Variants in SYNGR4 observed in about 807,000 individuals in gnomAD.
SYNGR4 encodes the protein synaptogyrin-4.
SYNGR4 carries 15 observed loss-of-function variants against 15.5 expected under a neutral mutation model. The ratio of observed to expected loss-of-function variants is 0.97; its 90% CI spans 0.65 to 1.49. The LOEUF (loss-of-function observed/expected upper bound fraction) is 1.49. SYNGR4 is among the 40% of genes most tolerant of loss of function. SYNGR4 has a pLI of 0.00. For missense variants in SYNGR4, 292 were observed against 299.3 expected (o/e 0.98, Z 0.18); for synonymous variants, 121 against 127.4 (o/e 0.95, Z 0.34).
At chr19:48,371,823 C>A (rs1404697970) in intron 2 of SYNGR4, among the ~76,000 whole-genome samples, 1 of 148,766 alleles carries the variant, frequency 6.7e-6, no homozygotes, top group Non-Finnish European at 1.5e-5. Context: ...TCAAGCGATT[C>A]CTCCCACCTT....
upstream of SYNGR4, chr19:48,364,275 T>A (rs1013089511): frequency 6.1e-5 from 21 of 345,966 alleles, no homozygotes; most frequent in South Asian, 8.0e-4. Context: ...AGCTCCTGAG[T>A]AGGCGGAAAG....
Position 48,375,665 on chromosome 19 carries a change from G to A in SYNGR4, c.384G>A (p.Trp128Ter). ...FMGFCFLANQ[W>*]QHSPPKEFLL... Reference sequence around the variant, plus strand: ...GTTTCTGCTTCCTGGCCAACCAATGGCAGCATTCGCCGCCCAAAGAGTTCC... The same window carrying A: ...GTTTCTGCTTCCTGGCCAACCAATGACAGCATTCGCCGCCCAAAGAGTTCC... The change falls in exon 4 of 5, where the codon TGG becomes TGA. Residue 128 changes from tryptophan to a stop codon, truncating the protein, a stop_gained. Coordinates refer to ENST00000344846, the MANE Select transcript of SYNGR4 (RefSeq NM_012451.4). LOFTEE classifies it high-confidence loss of function. 1 of 1,614,042 alleles carries A rather than the reference G, an allele frequency of 6.2e-7. No individual in the cohort carries two copies. Among genetic ancestry groups the A allele is most frequent in the Non-Finnish European group, 8.5e-7 (1 of 1,179,956 alleles).
At chr19:48,369,202 G>A (rs191139512) in intron 2 of SYNGR4, among the ~76,000 whole-genome samples, 4 of 149,346 alleles carry the variant, frequency 2.7e-5, no homozygotes, top group African/African-American at 4.9e-5. Context: ...TCTTGTCCTC[G>A]CTGCCGCCTG....
At chr19:48,375,132 T>C (rs2147411815) in intron 3 of SYNGR4, among the ~76,000 whole-genome samples, 2 of 150,112 alleles carry the variant, frequency 1.3e-5, no homozygotes, top group Middle Eastern at 3.4e-3. Context: ...TTCAAGCGAT[T>C]CTCCTGCCTC....
At chr19:48,365,458 C>A (rs867026249) in intron 1 of SYNGR4, among the ~76,000 whole-genome samples, 8 of 133,028 alleles carry the variant, frequency 6.0e-5, no homozygotes, top group East Asian at 4.7e-4. Flanking sequence ...ATCCTATGCC[C>A]CCCACTCCTG....
rs199994616 is a variant in SYNGR4, at chr19:48,375,624, G to A, written c.343G>A (p.Val115Ile). 3.4e-5 allele frequency: 55 copies of A among 1,613,626 alleles called. No individual in the cohort carries two copies. In the African/African-American group the frequency reaches 6.3e-4, roughly 18 times the overall value. The change falls in exon 4 of 5, where the codon GTT becomes ATT. Residue 115 changes from valine to isoleucine, a missense_variant. Coordinates refer to ENST00000344846, the MANE Select transcript of SYNGR4 (RefSeq NM_012451.4). ...LDFILAVLWA[V>I]VWFMGFCFLA... The stretch of plus-strand genomic sequence containing the variant: ...CTGTGACGCCACAGTTCTCTGGGCA[G>A]TTGTCTGGTTCATGGGTTTCTGCTT...
At chr19:48,372,015 G>C (rs1970315580) in intron 2 of SYNGR4, among the ~76,000 whole-genome samples, 1 of 151,670 alleles carries the variant, frequency 6.6e-6, no homozygotes, top group Admixed American at 6.6e-5. Flanking sequence ...AAGTAGCTGG[G>C]ACTACAAGTA....
intron 2 of SYNGR4, among the ~76,000 whole-genome samples, chr19:48,367,146 A>G (rs886890820): frequency 1.3e-5 from 2 of 150,908 alleles, no homozygotes; most frequent in African/African-American, 4.9e-5. Flanking sequence ...AAAAAAAAAA[A>G]TTGTGGCTGG....
At position 48,375,737 on chromosome 19, in the gene SYNGR4, C is replaced by T. The variant is rs1380813645; in HGVS notation, c.456C>T (p.Phe152=). The change falls in exon 4 of 5, where the codon TTC becomes TTT. Residue 152 remains phenylalanine (F), a synonymous_variant. Coordinates refer to ENST00000344846, the MANE Select transcript of SYNGR4 (RefSeq NM_012451.4). ...SAQAAIAFTF[F]SILVWIFQAY... is the part of the protein sequence containing the mutation. ...AGGCAGCCATCGCCTTCACCTTCTT[C>T]TCCATCCTTGTCTGGGTGAGGACAA... The T allele has an allele frequency of 3.1e-6, 5 of 1,613,500 alleles. No homozygotes were observed. Among genetic ancestry groups the T allele is most frequent in the Non-Finnish European group, 4.2e-6 (5 of 1,179,524 alleles).
rs374279619 is a variant in SYNGR4 at position 48,376,277 on chromosome 19, G to A, written c.664G>A (p.Ala222Thr). The A allele has an allele frequency of 1.9e-5, 30 of 1,612,826 alleles. No individual in the cohort carries two copies. Among genetic ancestry groups the A allele is most frequent in the Admixed American group, 1.5e-4 (9 of 59,490 alleles). Residue 222 changes from alanine to threonine, a missense_variant, in exon 5 of 5, where the codon GCT becomes ACT. Coordinates refer to ENST00000344846, the MANE Select transcript of SYNGR4 (RefSeq NM_012451.4). Reference sequence around the variant, plus strand: ...CTCTGCCCTGTCCCCCTGTCTGACCGCTCCAAAGTCCCCCCGGCTTGCTAT... The same window carrying A: ...CTCTGCCCTGTCCCCCTGTCTGACCACTCCAAAGTCCCCCCGGCTTGCTAT... ...ASSALSPCLTAPKSPRLAMMP... is the reference protein window; with the variant it reads ...ASSALSPCLTTPKSPRLAMMP...
At chr19:48,373,480 G>C in intron 2 of SYNGR4, 37 bp from the exon 3 acceptor site, 1 of 1,573,682 alleles carries the variant, frequency 6.4e-7, no homozygotes, top group Non-Finnish European at 8.7e-7. Context: ...GCTTCAGGGA[G>C]AGACTGAGCT....
At position 48,373,616 on chromosome 19, in the gene SYNGR4, G is replaced by C; in HGVS notation, c.193G>C (p.Ala65Pro). ...LHCILNSNSV[A>P]CSFAVGAGFL... ...CTGCATTCTCAACAGCAACAGCGTG[G>C]CCTGCAGCTTTGCCGTGGGAGCCGG... is the stretch of plus-strand genomic sequence containing the variant. The change falls in exon 3 of 5, where the codon GCC (alanine) becomes CCC (proline). Residue 65 changes from alanine to proline, a missense_variant. Physicochemically the swap from Ala to Pro is conservative, Grantham distance 27. Coordinates refer to ENST00000344846, the MANE Select transcript of SYNGR4 (RefSeq NM_012451.4). The C allele has an allele frequency of 6.2e-7, 1 of 1,613,844 alleles. No homozygotes were observed. The highest frequency in any genetic ancestry group is 8.5e-7 in the Non-Finnish European group (1 of 1,180,024).
intron 3 of SYNGR4, among the ~76,000 whole-genome samples, chr19:48,374,076 C>CTTTTT (rs946583656): frequency 3.0e-5 from 4 of 132,738 alleles, no homozygotes; most frequent in East Asian, 2.1e-4. Context: ...GAAAATCTCT[C>CTTTTT]TTTTTTTTTT....
Position 48,372,421 on chromosome 19 carries a change from G to A in SYNGR4, c.94-1096G>A, listed in dbSNP as rs137923239. On this transcript the variant is annotated intron_variant, in intron 2 of 4. Transcript: ENST00000344846. ...AGCACTTTGGGAGGCCAAGGCAGGC[G>A]GATCACGAGGTCAGGTGATCGAGAC... 7.3e-3 allele frequency among the ~76,000 whole-genome samples: 1,106 copies of A among 152,092 alleles called. 8 individuals carry two copies. Among genetic ancestry groups the A allele is most frequent in the African/African-American group, 0.024 (988 of 41,488 alleles).
intron 2 of SYNGR4, 61 bp downstream of exon 2, chr19:48,365,996 C>A: frequency 6.4e-7 from 1 of 1,557,414 alleles, no homozygotes; most frequent in Non-Finnish European, 8.8e-7. Context: ...GCTCTCAACT[C>A]CCAGACACAG....
intron 3 of SYNGR4, among the ~76,000 whole-genome samples, chr19:48,373,981 G>A (rs1970357615): frequency 6.6e-6 from 1 of 152,066 alleles, no homozygotes; most frequent in South Asian, 2.1e-4. Flanking sequence ...CCCTGGGTAA[G>A]GGTCACCTCT....
In SYNGR4 at chr19:48,365,756, C is replaced by T; in HGVS notation, c.-87C>T. ...CACAGCAGCCAAGCCCAGGGCTGGCCTGAAGCCCCCGGACGGCAGTGCCCA... is the reference window on the plus strand; with the variant it reads ...CACAGCAGCCAAGCCCAGGGCTGGCTTGAAGCCCCCGGACGGCAGTGCCCA... On this transcript the variant is annotated 5_prime_UTR_variant, in exon 2 of 5. Transcript: ENST00000344846. 6.9e-7 allele frequency: 1 copy of T among 1,451,386 alleles called. No individual in the cohort carries two copies. Among genetic ancestry groups the T allele is most frequent in the Non-Finnish European group, 9.6e-7 (1 of 1,043,876 alleles). The allele number at this position is 1,451,386 out of a possible 1,614,324, so 89.9% of individuals were successfully genotyped here.
rs530067180 is a variant in SYNGR4 at position 48,373,760 on chromosome 19, C to T, written c.331+6C>T. ...CCTGGACTTCATCCTGGCTGGTGAG[C>T]CCCCAGGACCCCCAACCCAGAGCTG... On this transcript the variant is annotated splice_donor_region_variant and intron_variant, in intron 3 of 4. Coordinates refer to ENST00000344846, the MANE Select transcript of SYNGR4 (RefSeq NM_012451.4). 14 of 1,612,508 alleles carry T rather than the reference C, an allele frequency of 8.7e-6. No homozygotes were observed. In the Admixed American group the frequency reaches 1.2e-4, roughly 13 times the overall value.
At chr19:48,370,826 T>C (rs1970293149) in intron 2 of SYNGR4, among the ~76,000 whole-genome samples, 1 of 152,096 alleles carries the variant, frequency 6.6e-6, no homozygotes, top group African/African-American at 2.4e-5. Flanking sequence ...AAGTCCTATT[T>C]TACACGCTAA....
Sources: gnomAD v4.1 joint callset for allele counts (sites outside exome capture counted in the v4.1 genomes callset) on GRCh38, gnomAD v4.1.1 for gene constraint, MANE v1.5 for transcripts, NCBI Gene and HGNC (gene_info 2026-07-23, HGNC 2026-07-21) for gene names.